Variants in PRDM5 observed in about 807,000 individuals in gnomAD.
PRDM5 encodes the protein PR/SET domain 5, also known as PR domain zinc finger protein 5.
A neutral mutation model predicts 81.2 loss-of-function variants in PRDM5; 56 were observed. The ratio of observed to expected loss-of-function variants is 0.69; its 90% CI spans 0.56 to 0.86. PRDM5 has a LOEUF of 0.86. Among genes scored for constraint, PRDM5 ranks in the 40% least tolerant of loss-of-function variants. PRDM5 has a pLI of 0.00. For missense variants in PRDM5, 697 were observed against 770.1 expected, an observed-to-expected ratio of 0.91 and a Z score of 1.12; for synonymous variants, 267 against 256.4, an observed-to-expected ratio of 1.04 and a Z score of -0.39.
At chr4:120,736,322 CA>C (rs1294814747) in intron 14 of PRDM5, among the ~76,000 whole-genome samples, 3 of 151,844 alleles carry the variant, frequency 2.0e-5, no homozygotes, top group African/African-American at 7.3e-5. Flanking sequence ...AGTGCTGCAA[CA>C]AACACGAGAG....
intron 8 of PRDM5, among the ~76,000 whole-genome samples, chr4:120,800,121 A>G (rs773008713): frequency 1.1e-4 from 17 of 152,220 alleles, no homozygotes; most frequent in Non-Finnish European, 2.2e-4. Flanking sequence ...ACAGTAGCCA[A>G]CAATATTTTA....
intron 8 of PRDM5, among the ~76,000 whole-genome samples, chr4:120,810,839 A>G (rs924910574): frequency 2.0e-5 from 3 of 152,174 alleles, no homozygotes; most frequent in African/African-American, 7.2e-5. Flanking sequence ...ACATATCAAC[A>G]CAATAATTTA....
chr4:120,724,128 G>A (rs1739059922), intron 14 of PRDM5, among the ~76,000 whole-genome samples: 1 of 151,910 alleles, frequency 6.6e-6, no homozygotes. Context: ...ATTAATTTAA[G>A]TGTTCCAAGC....
chr4:120,746,584 C>A (rs889273485), intron 14 of PRDM5, among the ~76,000 whole-genome samples: 2 of 134,032 alleles, frequency 1.5e-5, no homozygotes, highest in Admixed American at 7.9e-5. Context: ...AACAAATTTA[C>A]AAGAAAAAAA....
At position 120,785,052 on chromosome 4, in the gene PRDM5, T is replaced by C. The variant is rs2149249110; in HGVS notation, c.1228A>G (p.Lys410Glu). 1 of 1,611,870 alleles carries C rather than the reference T, an allele frequency of 6.2e-7. No individual in the cohort carries two copies. The highest frequency in any genetic ancestry group is 8.5e-7 in the Non-Finnish European group (1 of 1,178,226). The change falls in exon 11 of 16, where the codon AAA becomes GAA. Residue 410 changes from lysine (K) to glutamate (E), a missense_variant. By Grantham distance (56) the Lys-to-Glu change is moderately conservative. Transcript: ENST00000264808. ...GAAAATGGGGTCCGGAACAAAGCTT[T>C]ACATTCTTCACATTGGAACGGTCTC... ...EERPFQCEEC[K>E]ALFRTPFSLQ...
chr4:120,836,921 T>C (rs937619566), intron 3 of PRDM5, among the ~76,000 whole-genome samples: 1 of 152,208 alleles, frequency 6.6e-6, no homozygotes, highest in Non-Finnish European at 1.5e-5. Flanking sequence ...ACTATTTTTA[T>C]CATTATTATT....
intron 2 of PRDM5, among the ~76,000 whole-genome samples, chr4:120,862,519 C>T (rs555875164): frequency 1.3e-5 from 2 of 152,188 alleles, no homozygotes; most frequent in Non-Finnish European, 2.9e-5. Context: ...TTATGAAAAG[C>T]TTCCAGTAGA....
At chr4:120,807,450 T>A (rs1753153059) in intron 8 of PRDM5, among the ~76,000 whole-genome samples, 1 of 152,160 alleles carries the variant, frequency 6.6e-6, no homozygotes, top group Non-Finnish European at 1.5e-5. Context: ...AGCAAAGACA[T>A]GGAACCAACC....
intron 10 of PRDM5, among the ~76,000 whole-genome samples, chr4:120,786,539 A>G (rs1749788346): frequency 6.6e-6 from 1 of 152,196 alleles, no homozygotes; most frequent in Non-Finnish European, 1.5e-5. Context: ...ATATTCGGGC[A>G]AAAGTAATGT....
intron 10 of PRDM5, among the ~76,000 whole-genome samples, chr4:120,787,908 C>T (rs1749999438): frequency 6.6e-6 from 1 of 152,004 alleles, no homozygotes; most frequent in Admixed American, 6.6e-5. Flanking sequence ...TATTTAAAGC[C>T]ATGAATATGA....
In PRDM5 at chr4:120,821,152, C is replaced by T; in HGVS notation, c.475+19G>A. 6.2e-7 allele frequency: 1 copy of T among 1,611,948 alleles called. No individual in the cohort carries two copies. The highest frequency in any genetic ancestry group is 8.5e-7 in the Non-Finnish European group (1 of 1,178,054). ...CTACAACTTTTCTTCTCCCAGATCA[C>T]CAATTAAAGATGCAATACCTTTTCT... On this transcript the variant is annotated intron_variant, in intron 4 of 15. Transcript: ENST00000264808.
intron 2 of PRDM5, among the ~76,000 whole-genome samples, chr4:120,884,222 A>C (rs975790282): frequency 1.3e-5 from 2 of 152,102 alleles, no homozygotes; most frequent in African/African-American, 4.8e-5. Flanking sequence ...TGAATACACA[A>C]AAAAAATAAT....
In PRDM5 at chr4:120,816,542, TC is replaced by T. The variant is rs1057517804; in HGVS notation, c.775del (p.Asp259MetfsTer15). On this transcript the variant is annotated frameshift_variant, in exon 7 of 16. Coordinates refer to ENST00000264808, the MANE Select transcript of PRDM5 (RefSeq NM_018699.4). LOFTEE classifies it high-confidence loss of function. ...GTCAGCCTTGCACACAAACCTGGCA[TC>T]CCCCCGGCAAGTCTCCTGGTGCTGC... ...FEQHQETCRG[D>X]ARFVCKADSC... is the part of the protein sequence containing the mutation. The T allele has an allele frequency of 6.2e-7, 1 of 1,613,780 alleles. No individual in the cohort carries two copies. The highest frequency in any genetic ancestry group is 8.5e-7 in the Non-Finnish European group (1 of 1,180,002).
intron 3 of PRDM5, chr4:120,837,729 A>G (rs923619256): frequency 3.3e-5 from 5 of 152,226 alleles, no homozygotes; most frequent in African/African-American, 4.8e-5. Flanking sequence ...AGTTCTCAAA[A>G]GCCTAGTTGA....
At chr4:120,734,391 A>AAC (rs71597096) in intron 14 of PRDM5, among the ~76,000 whole-genome samples, 44,478 of 147,290 alleles carry the variant, frequency 0.3, 6,705 homozygotes, top group Middle Eastern at 0.44. Flanking sequence ...ATGTTAGTGG[A>AAC]ACACACACAC....
chr4:120,893,283 G>A (rs549711802), intron 2 of PRDM5, among the ~76,000 whole-genome samples: 154 of 152,300 alleles, frequency 1.0e-3, no homozygotes, highest in Non-Finnish European at 1.8e-3. Flanking sequence ...ACTGAACCTA[G>A]ACAGACTGGT....
At chr4:120,794,517 AC>A (rs1353675258) in intron 10 of PRDM5, among the ~76,000 whole-genome samples, 1 of 5,412 alleles carries the variant, frequency 1.8e-4, no homozygotes, top group East Asian at 0.036. Flanking sequence ...AAAATCTAAC[AC>A]ACACACACAC....
chr4:120,889,683 G>T (rs889995057), intron 2 of PRDM5, among the ~76,000 whole-genome samples: 2 of 152,136 alleles, frequency 1.3e-5, no homozygotes, highest in African/African-American at 4.8e-5. Context: ...TGTGGCTTGG[G>T]AAATAAGCAT....
At chr4:120,749,547 G>A (rs568341649) in intron 14 of PRDM5, among the ~76,000 whole-genome samples, 3 of 152,246 alleles carry the variant, frequency 2.0e-5, no homozygotes, top group African/African-American at 7.2e-5. Context: ...GATGAGCAGT[G>A]GCTGCCAGGG....
Sources: gnomAD v4.1 joint callset for allele counts (sites outside exome capture counted in the v4.1 genomes callset) on GRCh38, gnomAD v4.1.1 for gene constraint, MANE v1.5 for transcripts, NCBI Gene and HGNC (gene_info 2026-07-23, HGNC 2026-07-21) for gene names.